The following SLC24A1 variants were observed in gnomAD, a reference collection of about 807,000 sequenced individuals.
The protein encoded by SLC24A1 is solute carrier family 24 member 1.
SLC24A1 carries 52 observed loss-of-function variants against 88.1 expected under a neutral mutation model. The ratio of observed to expected loss-of-function variants is 0.59; its 90% CI spans 0.47 to 0.74. The LOEUF is 0.74. Among genes scored for constraint, SLC24A1 ranks in the 30% least tolerant of loss-of-function variants. The probability of loss-of-function intolerance (pLI) is 0.00; values close to 1 mark genes in which losing one functional copy is unlikely to be tolerated. For missense variants in SLC24A1, 1,173 were observed against 1,363.3 expected (o/e 0.86, Z 2.20); for synonymous variants, 455 against 498.0 (o/e 0.91, Z 1.15).
chr15:65,649,825 A>G (rs901967428), intron 6 of SLC24A1, among the ~76,000 whole-genome samples: 4 of 152,238 alleles, frequency 2.6e-5, no homozygotes, highest in African/African-American at 9.6e-5. Flanking sequence ...TGCCATATTA[A>G]GCAACATTAA....
intron 2 of SLC24A1, chr15:65,612,749 T>C (rs933877387): frequency 6.6e-6 from 1 of 152,246 alleles, no homozygotes; most frequent in African/African-American, 2.4e-5. Flanking sequence ...ATAGGGTTAC[T>C]GTCCTCGTGG....
Position 65,650,241 on chromosome 15 carries a change from G to C in SLC24A1, c.2233-141G>C, listed in dbSNP as rs1344429420. 7.6e-6 allele frequency: 5 copies of C among 660,126 alleles called. No individual in the cohort carries two copies. The highest frequency in any genetic ancestry group is 1.8e-5 in the African/African-American group (1 of 54,804). The allele number at this position is 660,126 out of a possible 1,614,324, so 40.9% of individuals were successfully genotyped here. On this transcript the variant is annotated intron_variant, in intron 6 of 9. Transcript: ENST00000261892. The surrounding 1 kb of genome is among the most constrained non-coding windows in gnomAD (Gnocchi z 4.1). ...GGAGTGTGGTCATGGGAATTCTGCT[G>C]AATTATCGCACTAGTTTTCTCCTCA...
intron 2 of SLC24A1, among the ~76,000 whole-genome samples, chr15:65,634,488 G>C (rs567015360): frequency 1.3e-5 from 2 of 152,310 alleles, no homozygotes; most frequent in Non-Finnish European, 2.9e-5. Context: ...TGAAGAAAGA[G>C]CAGGGAGAAT....
At chr15:65,647,933 T>C (rs555858125) in intron 6 of SLC24A1, among the ~76,000 whole-genome samples, 2 of 152,160 alleles carry the variant, frequency 1.3e-5, no homozygotes, top group Non-Finnish European at 2.9e-5. Flanking sequence ...GAAGTCAGAA[T>C]ATCTGGGGTG....
At chr15:65,658,798 T>C (rs1480623064), downstream of SLC24A1, among the ~76,000 whole-genome samples, 3 of 152,018 alleles carry the variant, frequency 2.0e-5, no homozygotes, top group East Asian at 3.8e-4. Flanking sequence ...TTAAGTATCA[T>C]AGTAATTATC....
intron 7 of SLC24A1, among the ~76,000 whole-genome samples, chr15:65,651,467 C>T (rs2075502189): frequency 6.6e-6 from 1 of 152,142 alleles, no homozygotes; most frequent in South Asian, 2.1e-4. Flanking sequence ...CTGGACTCCC[C>T]TACAGGTGTA....
intron 2 of SLC24A1, among the ~76,000 whole-genome samples, chr15:65,631,764 C>T (rs1220426077): frequency 6.6e-6 from 1 of 152,052 alleles, no homozygotes; most frequent in Non-Finnish European, 1.5e-5. Flanking sequence ...TGGCAAAAAC[C>T]GCGATTACTT....
In SLC24A1 at chr15:65,654,920, A is replaced by G; in HGVS notation, c.*841A>G. 9.0e-7 allele frequency: 1 copy of G among 1,107,000 alleles called. No individual in the cohort carries two copies. The highest frequency in any genetic ancestry group is 1.1e-6 in the Non-Finnish European group (1 of 900,078). The allele number at this position is 1,107,000 out of a possible 1,614,324, so 68.6% of individuals were successfully genotyped here. ...GCCTATACCAGTATTTTCTAGTTTAAAGGAGGACTACATTAACTCTTATTG... is the reference window on the plus strand; with the variant it reads ...GCCTATACCAGTATTTTCTAGTTTAGAGGAGGACTACATTAACTCTTATTG... On this transcript the variant is annotated 3_prime_UTR_variant, in exon 10 of 10. Coordinates refer to ENST00000261892, the MANE Select transcript of SLC24A1 (RefSeq NM_004727.3).
intron 4 of SLC24A1, chr15:65,644,153 C>A: frequency 2.4e-6 from 1 of 418,060 alleles, no homozygotes; most frequent in Non-Finnish European, 4.4e-6. Flanking sequence ...TGTCATTTTA[C>A]CAGAGAGGAA....
Position 65,625,855 on chromosome 15 carries a change from C to T in SLC24A1, c.1775C>T (p.Ala592Val), listed in dbSNP as rs2074494970. Residue 592 changes from alanine (A) to valine (V), a missense_variant, in exon 2 of 10, where the codon GCC becomes GTC. Ala to Val is a moderately conservative substitution (Grantham distance 64). Transcript: ENST00000261892. The stretch of plus-strand genomic sequence containing the variant: ...TGGGAGAGCCTGCTGCTGCTGCTGG[C>T]CTATGCCTTCTATGTGTTCACCATG... ...AWWESLLLLLAYAFYVFTMKW... is the reference protein window; with the variant it reads ...AWWESLLLLLVYAFYVFTMKW... 6.2e-7 allele frequency: 1 copy of T among 1,613,956 alleles called. No homozygotes were observed. The highest frequency in any genetic ancestry group is 8.5e-7 in the Non-Finnish European group (1 of 1,179,854).
At chr15:65,617,650 T>C (rs1240512570), upstream of SLC24A1, among the ~76,000 whole-genome samples, 1 of 152,218 alleles carries the variant, frequency 6.6e-6, no homozygotes, top group Non-Finnish European at 1.5e-5. Context: ...GTTTTCTAAA[T>C]ATACAATCAT....
At position 65,655,363 on chromosome 15, in the gene SLC24A1, C is replaced by T. The variant is rs541212858; in HGVS notation, c.*1284C>T. ...TTATGAATGGATCTTAAGGTAATTA[C>T]AAAAGGGAAATTCCAAGAATGCATA... On this transcript the variant is annotated 3_prime_UTR_variant, in exon 10 of 10. Coordinates refer to ENST00000261892, the MANE Select transcript of SLC24A1 (RefSeq NM_004727.3). 1 of 985,190 alleles carries T rather than the reference C, an allele frequency of 1.0e-6. No homozygotes were observed. Among genetic ancestry groups the T allele is most frequent in the African/African-American group, 1.7e-5 (1 of 57,344 alleles). The allele number at this position is 985,190 out of a possible 1,614,324, so 61.0% of individuals were successfully genotyped here. A position where few individuals can be genotyped will look rare whatever the true frequency, so the allele number is the denominator to read the frequency against.
chr15:65,616,358 A>G (rs980194148), intron 2 of SLC24A1, among the ~76,000 whole-genome samples: 7 of 152,126 alleles, frequency 4.6e-5, no homozygotes, highest in East Asian at 1.9e-4. Flanking sequence ...GTGTAAAAGC[A>G]TTCCTATTTC....
Position 65,652,780 on chromosome 15 carries a change from G to A in SLC24A1, c.3022G>A (p.Gly1008Ser), listed in dbSNP as rs750731827. ...AGACATGGCTGTGTCAAGCTCTGTG[G>A]GCAGTAACATATTTGATATCACTGT... ...LGDMAVSSSV[G>S]SNIFDITVGL... Residue 1008 changes from glycine (G) to serine (S), a missense_variant, in exon 9 of 10, where the codon GGC (glycine) becomes AGC (serine). By Grantham distance (56) the Gly-to-Ser change is moderately conservative. Coordinates refer to ENST00000261892, the MANE Select transcript of SLC24A1 (RefSeq NM_004727.3). 5 of 1,610,462 alleles carry A rather than the reference G, an allele frequency of 3.1e-6. No individual in the cohort carries two copies. The South Asian group carries it at 5.5e-5, about 18-fold the overall frequency.
At chr15:65,618,214 CGTAT>C (rs768454287), upstream of SLC24A1, among the ~76,000 whole-genome samples, 2 of 151,950 alleles carry the variant, frequency 1.3e-5, no homozygotes, top group Non-Finnish European at 2.9e-5. Flanking sequence ...ATTGTCTCTA[CGTAT>C]GTATGTATAT....
Position 65,624,709 on chromosome 15 carries a change from C to T in SLC24A1, c.629C>T (p.Thr210Ile), listed in dbSNP as rs766563238. 4 of 1,610,030 alleles carry T rather than the reference C, an allele frequency of 2.5e-6. No individual in the cohort carries two copies. The African/African-American group carries it at 4.0e-5, about 16-fold the overall frequency. Residue 210 changes from threonine to isoleucine, a missense_variant, in exon 2 of 10, where the codon ACA becomes ATA. Coordinates refer to ENST00000261892, the MANE Select transcript of SLC24A1 (RefSeq NM_004727.3). ...YVPSTFMTME[T>I]SHAITPRTTV... ...CCGTCCACATTCATGACAATGGAAA[C>T]AAGCCATGCGATCACCCCCAGGACA...
Position 65,650,908 on chromosome 15 carries a change from C to T in SLC24A1, c.2759C>T (p.Pro920Leu). ...CTCTTCCTTCTGCCCATCGTGTTCC[C>T]ACTGTGGCTGACAGTCCCCGACGTC... ...IYLFLLPIVF[P>L]LWLTVPDVRR... The change falls in exon 7 of 10, where the codon CCA (proline) becomes CTA (leucine). Residue 920 changes from proline to leucine, a missense_variant. Pro to Leu is a moderately conservative substitution (Grantham distance 98). Transcript: ENST00000261892. The surrounding 1 kb of genome is among the most constrained non-coding windows in gnomAD (Gnocchi z 4.1). 6.2e-7 allele frequency: 1 copy of T among 1,613,960 alleles called. No homozygotes were observed. Among genetic ancestry groups the T allele is most frequent in the South Asian group, 1.1e-5 (1 of 91,072 alleles).
intron 6 of SLC24A1, among the ~76,000 whole-genome samples, chr15:65,646,788 C>T (rs2075315435): frequency 6.6e-6 from 1 of 152,192 alleles, no homozygotes; most frequent in South Asian, 2.1e-4. Flanking sequence ...CCATTCAATA[C>T]CCAGAAAACG....
In SLC24A1 at chr15:65,651,676, AG is replaced by A. The variant is rs1178591686; in HGVS notation, c.2802del (p.Lys935SerfsTer14). ...TVPDVRRQES[R>X]KFFVFTFLGS... is the part of the protein sequence containing the mutation. ...TTTTCAAACTTTCAAACAGGAGTCT[AG>A]GAAGTTTTTTGTTTTCACCTTCCTG... On this transcript the variant is annotated frameshift_variant, in exon 8 of 10. Transcript: ENST00000261892. LOFTEE classifies it high-confidence loss of function. 3 of 1,579,798 alleles carry A rather than the reference AG, an allele frequency of 1.9e-6. No individual in the cohort carries two copies. The African/African-American group carries it at 4.0e-5, about 21-fold the overall frequency.
Sources: gnomAD v4.1 joint callset for allele counts (sites outside exome capture counted in the v4.1 genomes callset) on GRCh38, gnomAD v4.1.1 for gene constraint, Gnocchi (gnomAD v3.1) non-coding constraint, MANE v1.5 for transcripts, NCBI Gene and HGNC (gene_info 2026-07-23, HGNC 2026-07-21) for gene names.